Variants in RCAN2 observed in about 807,000 individuals in gnomAD.
The protein encoded by RCAN2 is regulator of calcineurin 2, also known as calcipressin-2.
Under a neutral mutation model 23.6 loss-of-function variants are expected in RCAN2, and 9 were observed. The observed-to-expected ratio is 0.38, with a 90% CI of 0.23 to 0.67. RCAN2 has a LOEUF of 0.67. Among genes scored for constraint, RCAN2 ranks in the 30% least tolerant of loss-of-function variants. RCAN2 has a pLI of 0.51. For missense variants in RCAN2, 273 were observed against 302.3 expected (o/e 0.90, Z 0.72); for synonymous variants, 109 against 115.7 (o/e 0.94, Z 0.37).
At chr6:46,400,207 C>T (rs565165450) in intron 2 of RCAN2, among the ~76,000 whole-genome samples, 7 of 152,326 alleles carry the variant, frequency 4.6e-5, no homozygotes, top group African/African-American at 7.2e-5. Context: ...ACCAATTTAT[C>T]TCCCTGACAT....
At chr6:46,321,746 G>T (rs1763625413) in intron 2 of RCAN2, among the ~76,000 whole-genome samples, 3 of 152,242 alleles carry the variant, frequency 2.0e-5, no homozygotes, top group African/African-American at 7.2e-5. Context: ...AAGAGCATTT[G>T]CTGTTGGCTC....
chr6:46,230,574 G>A (rs746838042), intron 4 of RCAN2, among the ~76,000 whole-genome samples: 19 of 152,172 alleles, frequency 1.2e-4, no homozygotes, highest in Non-Finnish European at 2.5e-4. Flanking sequence ...CACCCTCCAA[G>A]CCAGGCACAG....
intron 2 of RCAN2, among the ~76,000 whole-genome samples, chr6:46,350,952 C>T (rs1248273449): frequency 6.6e-6 from 1 of 152,162 alleles, no homozygotes; most frequent in African/African-American, 2.4e-5. Context: ...TGACCTTGGG[C>T]TAGTCATCCT....
intron 2 of RCAN2, among the ~76,000 whole-genome samples, chr6:46,339,103 C>A (rs1361141860): frequency 6.6e-6 from 1 of 150,916 alleles, no homozygotes; most frequent in African/African-American, 2.4e-5. Flanking sequence ...ATCCACCACC[C>A]ACCCATCCAA....
intron 1 of RCAN2, among the ~76,000 whole-genome samples, chr6:46,476,245 T>C (rs551770874): frequency 6.6e-6 from 1 of 152,336 alleles, no homozygotes; most frequent in African/African-American, 2.4e-5. Context: ...CCCCTGAATC[T>C]TGATGTTTCC....
At chr6:46,357,358 C>CA (rs35515774) in intron 2 of RCAN2, among the ~76,000 whole-genome samples, 2 of 151,658 alleles carry the variant, frequency 1.3e-5, no homozygotes, top group African/African-American at 4.8e-5. Context: ...GGAGATGATT[C>CA]AAAAAAAGAG....
intron 2 of RCAN2, among the ~76,000 whole-genome samples, chr6:46,397,131 C>A (rs1766113963): frequency 6.6e-6 from 1 of 151,982 alleles, no homozygotes; most frequent in Admixed American, 6.6e-5. Context: ...AAAAAAGTAA[C>A]CTAGAACATA....
chr6:46,410,693 C>G (rs891282794), intron 2 of RCAN2, among the ~76,000 whole-genome samples: 5 of 152,126 alleles, frequency 3.3e-5, no homozygotes, highest in African/African-American at 4.8e-5. Flanking sequence ...ATAGGAATAA[C>G]CTGCAGGAAA....
At chr6:46,342,282 T>C (rs1399014821) in intron 2 of RCAN2, among the ~76,000 whole-genome samples, 4 of 152,168 alleles carry the variant, frequency 2.6e-5, no homozygotes, top group Non-Finnish European at 5.9e-5. Flanking sequence ...ATAGTTATTG[T>C]GCATTTGGCT....
intron 1 of RCAN2, among the ~76,000 whole-genome samples, chr6:46,477,855 G>T (rs529172585): frequency 6.6e-6 from 1 of 152,098 alleles, no homozygotes; most frequent in Non-Finnish European, 1.5e-5. Flanking sequence ...GAACAGAAAA[G>T]CTCCTACCAT....
At chr6:46,325,748 A>C in intron 2 of RCAN2, 1 of 1,259,134 alleles carries the variant, frequency 7.9e-7, no homozygotes, top group Non-Finnish European at 1.0e-6. Flanking sequence ...TTTTTCTCCA[A>C]GCCTTTTATC....
chr6:46,229,083 T>C lies in RCAN2; in HGVS notation c.572-5782A>G, dbSNP rs140037803. ...GGTTGAAAATTCTTCTCTTTAAGAA[T>C]GTTGAATATTGGCGCCCACTCTCTT... On this transcript the variant is annotated intron_variant, in intron 4 of 4. Coordinates refer to ENST00000371374, the MANE Select transcript of RCAN2 (RefSeq NM_001251974.2). 8.0e-3 allele frequency among the ~76,000 whole-genome samples: 1,225 copies of C among 152,318 alleles called. 27 individuals are homozygous for C. Among genetic ancestry groups the C allele is most frequent in the African/African-American group, 0.028 (1,179 of 41,568 alleles).
intron 2 of RCAN2, among the ~76,000 whole-genome samples, chr6:46,434,310 G>A (rs1333925051): frequency 6.6e-6 from 1 of 152,190 alleles, no homozygotes; most frequent in Admixed American, 6.5e-5. Flanking sequence ...ACAATTTCTG[G>A]TGTCCTGAGA....
chr6:46,332,341 G>A (rs774794852), intron 2 of RCAN2, among the ~76,000 whole-genome samples: 13 of 151,292 alleles, frequency 8.6e-5, no homozygotes, highest in Non-Finnish European at 1.6e-4. Flanking sequence ...TAAGTTTTAG[G>A]GTACATGTGC....
chr6:46,423,817 A>C (rs1766958337), intron 2 of RCAN2, among the ~76,000 whole-genome samples: 1 of 152,224 alleles, frequency 6.6e-6, no homozygotes, highest in Non-Finnish European at 1.5e-5. Context: ...TAAGAACTAC[A>C]TTGAGTATAC....
rs199747815 is a variant in RCAN2 at position 46,238,397 on chromosome 6, A to AT, written c.571+8350dup. Among the ~76,000 whole-genome samples, 650 of 151,600 alleles carry AT rather than the reference A, an allele frequency of 4.3e-3. 4 individuals carry two copies. The highest frequency in any genetic ancestry group is 0.014 in the African/African-American group (598 of 41,346). ...AACCCCTAATGGTGTCTGGAAATGG[A>AT]TTTTTTTTTGTCATATGGTGTGGGT... On this transcript the variant is annotated intron_variant, in intron 4 of 4. Coordinates refer to ENST00000371374, the MANE Select transcript of RCAN2 (RefSeq NM_001251974.2).
At chr6:46,316,644 A>G (rs142984635) in intron 2 of RCAN2, among the ~76,000 whole-genome samples, 163 of 152,354 alleles carry the variant, frequency 1.1e-3, no homozygotes, top group African/African-American at 3.8e-3. Context: ...GGCCGTGACC[A>G]TAGAAGGCAT....
chr6:46,320,266 T>C (rs1582100956), intron 2 of RCAN2, among the ~76,000 whole-genome samples: 1 of 152,178 alleles, frequency 6.6e-6, no homozygotes. Context: ...AACACCCACC[T>C]AAGTTTCTCT....
chr6:46,475,802 T>C (rs1195854871), intron 1 of RCAN2, among the ~76,000 whole-genome samples: 2 of 152,180 alleles, frequency 1.3e-5, no homozygotes, highest in African/African-American at 4.8e-5. Flanking sequence ...ATGGAGGGTC[T>C]ACCATGCTCT....
Sources: gnomAD v4.1 joint callset for allele counts (sites outside exome capture counted in the v4.1 genomes callset) on GRCh38, gnomAD v4.1.1 for gene constraint, MANE v1.5 for transcripts, NCBI Gene and HGNC (gene_info 2026-07-23, HGNC 2026-07-21) for gene names.